CFHR5: variants seen among roughly 807,000 people sequenced by gnomAD.
CFHR5 encodes the protein complement factor H-related protein 5.
A neutral mutation model predicts 62.9 loss-of-function variants in CFHR5; 73 were observed. That is an observed-to-expected ratio of 1.16 (90% CI 0.96 to 1.41). The LOEUF (loss-of-function observed/expected upper bound fraction) is 1.41. CFHR5 is among the 40% of genes most tolerant of loss of function. The pLI is 0.00. For missense variants in CFHR5, 779 were observed against 679.9 expected, an observed-to-expected ratio of 1.15 and a Z score of -1.62; for synonymous variants, 249 against 227.2, an observed-to-expected ratio of 1.10 and a Z score of -0.86.
In CFHR5 at chr1:196,982,867, T is replaced by G; in HGVS notation, c.59-18T>G. 1 of 1,602,214 alleles carries G rather than the reference T, an allele frequency of 6.2e-7. No homozygotes were observed. The highest frequency in any genetic ancestry group is 8.6e-7 in the Non-Finnish European group (1 of 1,169,386). On this transcript the variant is annotated intron_variant, in intron 1 of 9. Transcript: ENST00000256785. ...TAGCTCTTTATTTAATTCTTCAGTT[T>G]TGTGTTATTTTTCCCAGGAACACTT...
chr1:196,988,833 T>G (rs1466160384), intron 3 of CFHR5, among the ~76,000 whole-genome samples: 1 of 152,164 alleles, frequency 6.6e-6, no homozygotes. Context: ...AAATTCTCTT[T>G]TTTTTGTTGT....
At position 197,002,426 on chromosome 1, in the gene CFHR5, G is replaced by T; in HGVS notation, c.1148-56G>T. On this transcript the variant is annotated intron_variant, in intron 7 of 9. Coordinates refer to ENST00000256785, the MANE Select transcript of CFHR5 (RefSeq NM_030787.4). ...CATTTTCCTGAAACACTACCCTATT[G>T]AGCTGTTTTTACTTAACTTTTATTA... 2.3e-6 allele frequency: 3 copies of T among 1,326,276 alleles called. No homozygotes were observed. The South Asian group carries it at 3.6e-5, about 16-fold the overall frequency. The allele number at this position is 1,326,276 out of a possible 1,614,324, so 82.2% of individuals were successfully genotyped here. A position where few individuals can be genotyped will look rare whatever the true frequency, so the allele number is the denominator to read the frequency against.
chr1:196,978,600 A>T (rs1258994127), intron 1 of CFHR5, among the ~76,000 whole-genome samples: 1 of 152,164 alleles, frequency 6.6e-6, no homozygotes, highest in Non-Finnish European at 1.5e-5. Flanking sequence ...AAAAATATGA[A>T]CCATAAAATG....
At chr1:196,997,600 G>C (rs377162851) in intron 6 of CFHR5, among the ~76,000 whole-genome samples, 4 of 152,100 alleles carry the variant, frequency 2.6e-5, no homozygotes, top group African/African-American at 7.2e-5. Context: ...GTTATTATCA[G>C]TGAGTTCTTC....
chr1:196,983,158 T>A, intron 2 of CFHR5, 79 bp downstream of exon 2: 1 of 1,590,110 alleles, frequency 6.3e-7, no homozygotes. Flanking sequence ...CATAAGGTCT[T>A]GATAATCACA....
chr1:196,985,235 C>G (rs1456948683), intron 3 of CFHR5, among the ~76,000 whole-genome samples: 1 of 152,090 alleles, frequency 6.6e-6, no homozygotes, highest in African/African-American at 2.4e-5. Flanking sequence ...TGATGTGCAC[C>G]TGTAGTCCCC....
At chr1:197,005,665 C>T (rs887070814) in intron 9 of CFHR5, among the ~76,000 whole-genome samples, 1 of 152,048 alleles carries the variant, frequency 6.6e-6, no homozygotes, top group Admixed American at 6.5e-5. Flanking sequence ...TTCCATAAAC[C>T]CCTCTGTTTT....
At position 196,999,805 on chromosome 1, in the gene CFHR5, A is replaced by ATGTG. The variant is rs538840550; in HGVS notation, c.1147+1521_1147+1524dup. On this transcript the variant is annotated intron_variant, in intron 7 of 9. Coordinates refer to ENST00000256785, the MANE Select transcript of CFHR5 (RefSeq NM_030787.4). ...TATATGTATATATGTGTGTATATAT[A>ATGTG]TGTGTGTGTGTGTGTGTGTGTGTAT... Among the ~76,000 whole-genome samples, 1,064 of 135,360 alleles carry ATGTG rather than the reference A, an allele frequency of 7.9e-3. 17 individuals carry two copies. The highest frequency in any genetic ancestry group is 0.024 in the African/African-American group (906 of 37,916). The allele number at this position is 135,360 out of a possible 152,430, so 88.8% of individuals were successfully genotyped here. A position where few individuals can be genotyped will look rare whatever the true frequency, so the allele number is the denominator to read the frequency against.
chr1:196,996,179 G>C lies in CFHR5; in HGVS notation c.948G>C (p.Trp316Cys), dbSNP rs765261884. Residue 316 changes from tryptophan to cysteine, a missense_variant, in exon 6 of 10, where the codon TGG (tryptophan) becomes TGC (cysteine). Physicochemically the swap from Trp to Cys is radical, Grantham distance 215. Transcript: ENST00000256785. ...NNMITCINGI[W>C]TELPMCVATH... ...TGATTACCTGTATTAATGGAATATG[G>C]ACAGAGCTTCCTATGTGTGTTGGTG... The C allele has an allele frequency of 3.1e-6, 5 of 1,612,018 alleles. No individual in the cohort carries two copies. Among genetic ancestry groups the C allele is most frequent in the Non-Finnish European group, 4.2e-6 (5 of 1,178,350 alleles).
At chr1:196,978,674 A>C (rs943229372) in intron 1 of CFHR5, among the ~76,000 whole-genome samples, 3 of 152,120 alleles carry the variant, frequency 2.0e-5, no homozygotes, top group Non-Finnish European at 4.4e-5. Context: ...CCTAAAATTC[A>C]TTTTATTTTG....
chr1:196,980,591 C>CGTGTGTGTGTGT (rs57437038), intron 1 of CFHR5, among the ~76,000 whole-genome samples: 4 of 145,440 alleles, frequency 2.8e-5, no homozygotes, highest in Non-Finnish European at 6.1e-5. Context: ...TGTATATATA[C>CGTGTGTGTGTGT]GTGTGTGTGT....
upstream of CFHR5, among the ~76,000 whole-genome samples, chr1:196,976,626 A>G (rs1287137660): frequency 1.3e-5 from 2 of 152,052 alleles, no homozygotes; most frequent in Non-Finnish European, 2.9e-5. Context: ...TTCCAGAGAC[A>G]ACCAATGGTT....
intron 9 of CFHR5, among the ~76,000 whole-genome samples, chr1:197,007,869 T>C (rs749805014): frequency 3.3e-4 from 48 of 147,420 alleles, no homozygotes; most frequent in Non-Finnish European, 6.3e-4. Flanking sequence ...TTGATTACAT[T>C]ACATTAGATA....
chr1:196,981,486 T>C (rs903165815), intron 1 of CFHR5, among the ~76,000 whole-genome samples: 3 of 151,666 alleles, frequency 2.0e-5, no homozygotes, highest in Non-Finnish European at 4.4e-5. Context: ...TTAAGTCTAA[T>C]AAAAAATATG....
rs1654378744 is a variant in CFHR5 at position 197,009,397 on chromosome 1, T to C, written c.*714T>C. 6.6e-6 allele frequency: 1 copy of C among 152,160 alleles called. No individual in the cohort carries two copies. The highest frequency in any genetic ancestry group is 1.5e-5 in the Non-Finnish European group (1 of 68,030). The allele number at this position is 152,160 out of a possible 1,614,324, so 9.4% of individuals were successfully genotyped here. On this transcript the variant is annotated 3_prime_UTR_variant, in exon 10 of 10. Coordinates refer to ENST00000256785, the MANE Select transcript of CFHR5 (RefSeq NM_030787.4). ...CATAAATGTCCACAGAAACAGTAAA[T>C]GTTCTCGCTTCAGTACTTAATTCAT...
chr1:197,003,274 C>T (rs556959622), intron 8 of CFHR5, among the ~76,000 whole-genome samples: 4 of 152,248 alleles, frequency 2.6e-5, no homozygotes, highest in South Asian at 4.1e-4. Context: ...AATGCTCATT[C>T]GCCTGCCTCT....
Position 196,995,771 on chromosome 1 carries a change from A to G in CFHR5, c.662A>G (p.Glu221Gly). The G allele has an allele frequency of 6.2e-7, 1 of 1,613,354 alleles. No individual in the cohort carries two copies. Among genetic ancestry groups the G allele is most frequent in the Non-Finnish European group, 8.5e-7 (1 of 1,179,406 alleles). ...CAACTCTCCAATGGTGAAGTTAAGGAGATAAGAAAAGAGGAATATGGACAC... is the reference window on the plus strand; with the variant it reads ...CAACTCTCCAATGGTGAAGTTAAGGGGATAAGAAAAGAGGAATATGGACAC... Reference protein sequence around the residue: ...PPQLSNGEVKEIRKEEYGHNE... With the variant: ...PPQLSNGEVKGIRKEEYGHNE... The change falls in exon 5 of 10, where the codon GAG becomes GGG. Residue 221 changes from glutamate to glycine, a missense_variant. Glu to Gly is a moderately conservative substitution (Grantham distance 98). Coordinates refer to ENST00000256785, the MANE Select transcript of CFHR5 (RefSeq NM_030787.4).
Position 196,995,778 on chromosome 1 carries a change from A to G in CFHR5, c.669A>G (p.Arg223=), listed in dbSNP as rs373158868. 1 of 1,613,174 alleles carries G rather than the reference A, an allele frequency of 6.2e-7. No homozygotes were observed. Among genetic ancestry groups the G allele is most frequent in the African/African-American group, 1.3e-5 (1 of 74,878 alleles). Residue 223 remains arginine, a synonymous_variant, in exon 5 of 10, where the codon AGA becomes AGG. Coordinates refer to ENST00000256785, the MANE Select transcript of CFHR5 (RefSeq NM_030787.4). ...QLSNGEVKEI[R]KEEYGHNEVV... The stretch of plus-strand genomic sequence containing the variant: ...CCAATGGTGAAGTTAAGGAGATAAG[A>G]AAAGAGGAATATGGACACAATGAAG...
In CFHR5 at chr1:196,996,062, C is replaced by A; in HGVS notation, c.831C>A (p.Tyr277Ter). 1 of 1,613,800 alleles carries A rather than the reference C, an allele frequency of 6.2e-7. No homozygotes were observed. The highest frequency in any genetic ancestry group is 8.5e-7 in the Non-Finnish European group (1 of 1,179,850). Residue 277 changes from tyrosine (Y) to a stop codon, truncating the protein, a stop_gained, in exon 6 of 10, where the codon TAC becomes TAA. Coordinates refer to ENST00000256785, the MANE Select transcript of CFHR5 (RefSeq NM_030787.4). LOFTEE classifies it high-confidence loss of function. ...GTGGATACATACCTGAACTCGAGTA[C>A]GGTTATGTTCAGCCGTCTGTCCCTC... ...KTCGYIPELE[Y>*]GYVQPSVPPY...
Sources: allele counts gnomAD v4.1 joint callset (sites outside exome capture counted in the v4.1 genomes callset), GRCh38; gene constraint gnomAD v4.1.1; transcripts MANE v1.5; gene names NCBI Gene and HGNC (gene_info 2026-07-23, HGNC 2026-07-21).